COMMD1: variants seen among roughly 807,000 people sequenced by gnomAD.
COMMD1 encodes copper metabolism domain containing 1.
COMMD1 carries 10 observed loss-of-function variants against 17.2 expected under a neutral mutation model. The observed-to-expected ratio is 0.58, with a 90% CI of 0.36 to 0.99. The LOEUF (loss-of-function observed/expected upper bound fraction) is 0.99, where lower values mean the gene tolerates loss of function less well. COMMD1 is among the 50% of genes least tolerant of loss of function. The pLI, the probability that COMMD1 is intolerant of heterozygous loss-of-function variation, is 0.01. For synonymous variants in COMMD1, 97 were observed against 91.6 expected, an observed-to-expected ratio of 1.06 and a Z score of -0.34; for missense variants, 270 against 231.8, an observed-to-expected ratio of 1.17 and a Z score of -1.07.
At chr2:62,014,490 A>T (rs1669375379) in intron 2 of COMMD1, among the ~76,000 whole-genome samples, 1 of 143,432 alleles carries the variant, frequency 7.0e-6, no homozygotes, top group African/African-American at 2.5e-5. Context: ...TTTAGTACTT[A>T]AAAAAAAAAA....
intron 2 of COMMD1, among the ~76,000 whole-genome samples, chr2:62,120,351 A>G (rs1672710518): frequency 6.6e-6 from 1 of 150,462 alleles, no homozygotes; most frequent in Non-Finnish European, 1.5e-5. Context: ...TCATGTAAAT[A>G]TATTGTAGTT....
intron 2 of COMMD1, among the ~76,000 whole-genome samples, chr2:62,093,225 G>T (rs1671890151): frequency 6.6e-6 from 1 of 152,168 alleles, no homozygotes; most frequent in South Asian, 2.1e-4. Context: ...GGCGGCATCT[G>T]GATAAACTCC....
chr2:62,022,789 A>G (rs1368492874), intron 2 of COMMD1, among the ~76,000 whole-genome samples: 1 of 152,192 alleles, frequency 6.6e-6, no homozygotes, highest in Non-Finnish European at 1.5e-5. Context: ...GTGAACCTGA[A>G]ATGGAATCAA....
chr2:62,101,515 C>CAGG (rs1391699852), intron 2 of COMMD1, among the ~76,000 whole-genome samples: 2 of 152,132 alleles, frequency 1.3e-5, no homozygotes, highest in Non-Finnish European at 2.9e-5. Flanking sequence ...GAGGCTGAGA[C>CAGG]AGGAGAATCA....
In COMMD1 at chr2:62,019,023, TTCCC is replaced by T. The variant is rs201583202; in HGVS notation, c.462+18061_462+18064del. On this transcript the variant is annotated intron_variant, in intron 2 of 2. Transcript: ENST00000311832. The stretch of plus-strand genomic sequence containing the variant: ...CCACTCCTACAACCAACCAACCAAC[TTCCC>T]TCCCTCCCTCCCTCCCTCCTTCCTT... Among the ~76,000 whole-genome samples the T allele has an allele frequency of 6.1e-3, 788 of 129,410 alleles. 10 individuals carry two copies. Among genetic ancestry groups the T allele is most frequent in the African/African-American group, 0.027 (700 of 25,870 alleles). 84.9% of individuals were successfully genotyped at this position (129,410 alleles called of 152,430 possible).
Position 62,023,348 on chromosome 2 carries a change from A to C in COMMD1, c.462+22366A>C, listed in dbSNP as rs542631705. Among the ~76,000 whole-genome samples, 3 of 152,332 alleles carry C rather than the reference A, an allele frequency of 2.0e-5. No homozygotes were observed. In the South Asian group the frequency reaches 6.2e-4, roughly 32 times the overall value. On this transcript the variant is annotated intron_variant, in intron 2 of 2. Coordinates refer to ENST00000311832, the MANE Select transcript of COMMD1 (RefSeq NM_152516.4). ...GTAGCCTTTAACACTGTATGTAAAC[A>C]TTTGTTAAACTTAAATCCAAAACAA...
At chr2:62,006,361 AAAAG>A (rs748796961) in intron 2 of COMMD1, among the ~76,000 whole-genome samples, 1 of 152,124 alleles carries the variant, frequency 6.6e-6, no homozygotes, top group Non-Finnish European at 1.5e-5. Flanking sequence ...ATTAAAAAAA[AAAAG>A]AAAATTGGAA....
intron 1 of COMMD1, among the ~76,000 whole-genome samples, chr2:61,989,012 T>TG (rs1444262774): frequency 6.6e-6 from 1 of 152,122 alleles, no homozygotes. Flanking sequence ...TGCTAGCGGA[T>TG]GGGGGAAGGG....
intron 1 of COMMD1, among the ~76,000 whole-genome samples, chr2:61,906,305 G>T (rs1398968657): frequency 6.6e-6 from 1 of 152,192 alleles, no homozygotes; most frequent in East Asian, 1.9e-4. Flanking sequence ...TCCACTGCGT[G>T]GTTAAAAGAG....
intron 2 of COMMD1, among the ~76,000 whole-genome samples, chr2:62,123,366 G>T (rs866558888): frequency 6.6e-6 from 1 of 151,486 alleles, no homozygotes; most frequent in Non-Finnish European, 1.5e-5. Flanking sequence ...CTAGCTGGGT[G>T]TGGTGGCGCG....
At chr2:62,038,807 C>T (rs1037863034) in intron 2 of COMMD1, among the ~76,000 whole-genome samples, 2 of 152,000 alleles carry the variant, frequency 1.3e-5, no homozygotes, top group African/African-American at 4.8e-5. Context: ...CCTTGGCTTC[C>T]CAAAGTGCTA....
intron 2 of COMMD1, among the ~76,000 whole-genome samples, chr2:62,075,026 A>G (rs1304430389): frequency 2.0e-5 from 3 of 151,604 alleles, no homozygotes; most frequent in Non-Finnish European, 4.4e-5. Flanking sequence ...AGTAGCTGGA[A>G]CTACAGGTGC....
chr2:61,968,424 C>T (rs568001358), intron 1 of COMMD1, among the ~76,000 whole-genome samples: 1 of 152,282 alleles, frequency 6.6e-6, no homozygotes, highest in South Asian at 2.1e-4. Context: ...ACATTTGAAA[C>T]AGTAAAACCA....
intron 2 of COMMD1, among the ~76,000 whole-genome samples, chr2:62,063,693 T>C (rs1442247196): frequency 1.3e-5 from 2 of 151,836 alleles, no homozygotes; most frequent in African/African-American, 4.8e-5. Context: ...TTAAACTCTT[T>C]TGTATAAACA....
At chr2:61,929,931 CAA>C (rs762661019) in intron 1 of COMMD1, among the ~76,000 whole-genome samples, 7 of 138,654 alleles carry the variant, frequency 5.0e-5, no homozygotes, top group Admixed American at 7.3e-5. Flanking sequence ...GACCCTGTCT[CAA>C]AAAAAAAAAA....
chr2:62,072,826 G>A (rs1364146858), intron 2 of COMMD1, among the ~76,000 whole-genome samples: 1 of 152,242 alleles, frequency 6.6e-6, no homozygotes, highest in Non-Finnish European at 1.5e-5. Flanking sequence ...TCATGCCTGT[G>A]CCAGAGTCTG....
intron 2 of COMMD1, among the ~76,000 whole-genome samples, chr2:62,030,939 A>G (rs1460950719): frequency 6.6e-6 from 1 of 152,184 alleles, no homozygotes; most frequent in East Asian, 1.9e-4. Flanking sequence ...TACAGTTTAT[A>G]GATACAGGTG....
At chr2:62,111,087 C>T (rs1672442839) in intron 2 of COMMD1, among the ~76,000 whole-genome samples, 1 of 152,128 alleles carries the variant, frequency 6.6e-6, no homozygotes, top group Non-Finnish European at 1.5e-5. Context: ...TTACCTGGTG[C>T]AGAGAGGGAG....
At chr2:62,044,763 C>T (rs1235615805) in intron 2 of COMMD1, among the ~76,000 whole-genome samples, 1 of 151,214 alleles carries the variant, frequency 6.6e-6, no homozygotes, top group African/African-American at 2.4e-5. Context: ...TCTCCCTTCA[C>T]CTACCAAAGA....
Sources: allele counts gnomAD v4.1 joint callset (sites outside exome capture counted in the v4.1 genomes callset), GRCh38; gene constraint gnomAD v4.1.1; transcripts MANE v1.5; gene names NCBI Gene and HGNC (gene_info 2026-07-23, HGNC 2026-07-21).